Variants in SLC22A23 observed in about 807,000 individuals in gnomAD.
SLC22A23 encodes solute carrier family 22 member 23.
A neutral mutation model predicts 61.0 loss-of-function variants in SLC22A23; 26 were observed. The ratio of observed to expected loss-of-function variants is 0.43; its 90% CI spans 0.31 to 0.59. The LOEUF (loss-of-function observed/expected upper bound fraction) is 0.59, where lower values mean the gene tolerates loss of function less well. SLC22A23 is among the 20% of genes least tolerant of loss of function. The pLI is 0.11. For missense variants in SLC22A23, 796 were observed against 934.7 expected (o/e 0.85, Z 1.94); for synonymous variants, 430 against 413.9 (o/e 1.04, Z -0.47).
chr6:3,419,669 C>T (rs886095641), intron 1 of SLC22A23, among the ~76,000 whole-genome samples: 1 of 152,130 alleles, frequency 6.6e-6, no homozygotes, highest in East Asian at 1.9e-4. Context: ...AATTCTTCAG[C>T]CTCCTAATGG....
At chr6:3,332,277 A>C (rs781040742) in intron 3 of SLC22A23, among the ~76,000 whole-genome samples, 1 of 152,188 alleles carries the variant, frequency 6.6e-6, no homozygotes, top group Non-Finnish European at 1.5e-5. Flanking sequence ...GCAATCAGGG[A>C]ATCAGGGGCT....
intron 3 of SLC22A23, among the ~76,000 whole-genome samples, chr6:3,334,321 C>T (rs1348993615): frequency 6.6e-6 from 1 of 152,134 alleles, no homozygotes; most frequent in Non-Finnish European, 1.5e-5. Flanking sequence ...TCCATCGTGC[C>T]TGCTAATTTT....
rs570412563 is a variant in SLC22A23, at chr6:3,281,185, C to A, written c.1703+2667G>T. Among the ~76,000 whole-genome samples, 12 of 152,330 alleles carry A rather than the reference C, an allele frequency of 7.9e-5. No homozygotes were observed. In the East Asian group the frequency reaches 2.3e-3, roughly 29 times the overall value. On this transcript the variant is annotated intron_variant, in intron 9 of 9. Transcript: ENST00000406686. ...CCCAGGACCCCAGGCCACTTCTGCC[C>A]ATGTCAAGCTGGGAGATGGGCACAG... is the stretch of plus-strand genomic sequence containing the variant.
rs994469189 is a variant in SLC22A23, at chr6:3,273,368, A to T, written c.1748T>A (p.Met583Lys). 6 of 1,613,334 alleles carry T rather than the reference A, an allele frequency of 3.7e-6. No homozygotes were observed. The highest frequency in any genetic ancestry group is 5.1e-6 in the Non-Finnish European group (6 of 1,179,898). Reference protein sequence around the residue: ...GLVLASAGFGMLTAPIIELHN... With the variant: ...GLVLASAGFGKLTAPIIELHN... ...CAGCTCGATGATGGGTGCCGTCAGC[A>T]TGCCGAAGCCCGCGCTGGCCAGCAC... The change falls in exon 10 of 10, where the codon ATG becomes AAG. Residue 583 changes from methionine (M) to lysine (K), a missense_variant. Coordinates refer to ENST00000406686, the MANE Select transcript of SLC22A23 (RefSeq NM_015482.2).
chr6:3,382,332 T>C (rs996194501), intron 3 of SLC22A23, among the ~76,000 whole-genome samples: 4 of 152,242 alleles, frequency 2.6e-5, no homozygotes, highest in Admixed American at 1.3e-4. Flanking sequence ...GTATTTTTAG[T>C]TGTGGCTTTG....
intron 3 of SLC22A23, among the ~76,000 whole-genome samples, chr6:3,408,191 T>C (rs745420944): frequency 2.4e-4 from 36 of 152,272 alleles, no homozygotes; most frequent in Non-Finnish European, 4.3e-4. Context: ...GTCTGGGTTA[T>C]ATGATTCTGT....
Position 3,444,822 on chromosome 6 carries a change from G to C in SLC22A23, c.654+11084C>G, listed in dbSNP as rs73723008. The C allele has an allele frequency of 8.0e-3, 7,853 of 985,608 alleles. 488 individuals are homozygous for C. The African/African-American group carries it at 0.13, about 16-fold the overall frequency. The allele number at this position is 985,608 out of a possible 1,614,324, so 61.1% of individuals were successfully genotyped here. On this transcript the variant is annotated intron_variant, in intron 1 of 9. Transcript: ENST00000406686. ...GCTTCCTGTCTGAAGGGCATACCTG[G>C]CTCCGAACATCATCGGTTTCTGGGT...
rs1769484020 is a variant in SLC22A23, at chr6:3,414,081, G to A, written c.758+1671C>T. On this transcript the variant is annotated intron_variant, in intron 2 of 9. Coordinates refer to ENST00000406686, the MANE Select transcript of SLC22A23 (RefSeq NM_015482.2). The surrounding 1 kb of genome is among the most constrained non-coding windows in gnomAD (Gnocchi z 5.1). ...CATCACATGTGTGTACAAGAAGAAA[G>A]TTAAGAAAACAATCTTTAAACAATT... 6.6e-6 allele frequency among the ~76,000 whole-genome samples: 1 copy of A among 152,194 alleles called. No individual in the cohort carries two copies. The highest frequency in any genetic ancestry group is 2.4e-5 in the African/African-American group (1 of 41,458).
chr6:3,394,061 A>G (rs1298868834), intron 3 of SLC22A23, among the ~76,000 whole-genome samples: 2 of 152,240 alleles, frequency 1.3e-5, no homozygotes, highest in African/African-American at 4.8e-5. Context: ...AGAACATGAA[A>G]TAAGATCCGG....
intron 3 of SLC22A23, among the ~76,000 whole-genome samples, chr6:3,336,384 C>G (rs115474890): frequency 0.018 from 2,706 of 152,330 alleles, 73 homozygotes; most frequent in Non-Finnish European, 0.022. Flanking sequence ...ATCTGACATC[C>G]TGCTGGCAGG....
intron 5 of SLC22A23, among the ~76,000 whole-genome samples, chr6:3,294,625 C>G (rs1760913003): frequency 1.3e-5 from 2 of 152,180 alleles, no homozygotes; most frequent in South Asian, 4.1e-4. Context: ...ACATTGGGAA[C>G]CAGCGGGCCT....
chr6:3,272,981 G>A lies in SLC22A23; in HGVS notation c.*74C>T, dbSNP rs559149528. The A allele has an allele frequency of 5.7e-5, 77 of 1,345,540 alleles. No individual in the cohort carries two copies. The Admixed American group carries it at 5.8e-4, about 10-fold the overall frequency. The allele number at this position is 1,345,540 out of a possible 1,614,324, so 83.4% of individuals were successfully genotyped here. ...AGGCAGCTTTCCCACCCCTGGCTGC[G>A]TGTTCGGTCCCTGGTCTGTAAACCT... On this transcript the variant is annotated 3_prime_UTR_variant, in exon 10 of 10. Coordinates refer to ENST00000406686, the MANE Select transcript of SLC22A23 (RefSeq NM_015482.2).
chr6:3,282,354 T>C (rs1298335748), intron 9 of SLC22A23: 1 of 701,286 alleles, frequency 1.4e-6, no homozygotes, highest in Non-Finnish European at 2.6e-6. Context: ...GAGTTCCTTG[T>C]GCTTAATCAT....
rs1212548364 is a variant in SLC22A23, at chr6:3,271,991, G to C, written c.*1064C>G. 2.6e-5 allele frequency: 4 copies of C among 152,428 alleles called. No individual in the cohort carries two copies. Among genetic ancestry groups the C allele is most frequent in the Admixed American group, 1.3e-4 (2 of 15,286 alleles). The allele number at this position is 152,428 out of a possible 1,614,324, so 9.4% of individuals were successfully genotyped here. A position where few individuals can be genotyped will look rare whatever the true frequency, so the allele number is the denominator to read the frequency against. ...AGGAAGCTGGCCCAGGAAGGCAGGCGTGAGGGGGCCCAGCTCCTGCGGGTG... is the reference window on the plus strand; with the variant it reads ...AGGAAGCTGGCCCAGGAAGGCAGGCCTGAGGGGGCCCAGCTCCTGCGGGTG... On this transcript the variant is annotated 3_prime_UTR_variant, in exon 10 of 10. Coordinates refer to ENST00000406686, the MANE Select transcript of SLC22A23 (RefSeq NM_015482.2).
chr6:3,434,530 A>G (rs542788022), intron 1 of SLC22A23, among the ~76,000 whole-genome samples: 9 of 151,932 alleles, frequency 5.9e-5, no homozygotes, highest in Non-Finnish European at 5.9e-5. Context: ...AATCGCTTGA[A>G]TCTGGGAGGT....
At chr6:3,298,006 CTGTT>C in intron 5 of SLC22A23, 81 bp downstream of exon 5, 2 of 1,406,638 alleles carry the variant, frequency 1.4e-6, no homozygotes, top group African/African-American at 1.5e-5. Flanking sequence ...GTTAAAACAG[CTGTT>C]TGTGCAACAA....
At chr6:3,290,503 C>T (rs1221533836) in intron 5 of SLC22A23, 1 of 153,664 alleles carries the variant, frequency 6.5e-6, no homozygotes, top group African/African-American at 2.4e-5. Context: ...TATACGTGTG[C>T]ATGTTTTAGT....
intron 1 of SLC22A23, among the ~76,000 whole-genome samples, chr6:3,425,870 C>T (rs758405767): frequency 1.2e-4 from 19 of 152,150 alleles, no homozygotes; most frequent in Admixed American, 7.2e-4. Flanking sequence ...GGTTCTTTCC[C>T]CCAGTAAACT....
intron 3 of SLC22A23, among the ~76,000 whole-genome samples, chr6:3,395,239 A>G (rs892206082): frequency 4.6e-5 from 7 of 152,356 alleles, no homozygotes; most frequent in Non-Finnish European, 1.0e-4. Context: ...TTTGGAGCCC[A>G]CATTTTCATC....
Sources: gnomAD v4.1 joint callset for allele counts (sites outside exome capture counted in the v4.1 genomes callset) on GRCh38, gnomAD v4.1.1 for gene constraint, Gnocchi (gnomAD v3.1) non-coding constraint, MANE v1.5 for transcripts, NCBI Gene and HGNC (gene_info 2026-07-23, HGNC 2026-07-21) for gene names.